The following SNRPF variants were observed in gnomAD, a reference collection of about 807,000 sequenced individuals.
SNRPF encodes small nuclear ribonucleoprotein F.
A neutral mutation model predicts 13.4 loss-of-function variants in SNRPF; 1 was observed. The observed-to-expected ratio is 0.07, with a 90% CI of 0.03 to 0.35. The LOEUF (loss-of-function observed/expected upper bound fraction) is 0.35, where lower values mean the gene tolerates loss of function less well. SNRPF is among the 10% of genes least tolerant of loss of function. SNRPF has a pLI of 0.99. For synonymous variants in SNRPF, 27 were observed against 32.1 expected (o/e 0.84, Z 0.54); for missense variants, 53 against 101.0 (o/e 0.52, Z 2.04).
chr12:95,865,058 T>A (rs2079514262), intron 2 of SNRPF: 1 of 260,144 alleles, frequency 3.8e-6, no homozygotes, highest in African/African-American at 2.2e-5. Context: ...TGTTTTAATA[T>A]CTAATAGAAA....
intron 2 of SNRPF, chr12:95,864,987 A>C (rs2121395378): frequency 6.0e-6 from 1 of 166,020 alleles, no homozygotes; most frequent in South Asian, 2.0e-4. Flanking sequence ...TGTTAGCCAT[A>C]GCTTTCGTAT....
chr12:95,865,452 T>G, intron 3 of SNRPF, 64 bp downstream of exon 3: 1 of 688,716 alleles, frequency 1.5e-6, no homozygotes, highest in Non-Finnish European at 2.5e-6. Context: ...CTGTTCTAAA[T>G]ATATTAGTGC....
chr12:95,859,149 G>C (rs1008208103), intron 1 of SNRPF, 73 bp downstream of exon 1: 63 of 1,339,586 alleles, frequency 4.7e-5, no homozygotes, highest in Non-Finnish European at 6.7e-5. Flanking sequence ...GGGGCCTGCT[G>C]GTTCCTTCGC....
intron 1 of SNRPF, among the ~76,000 whole-genome samples, chr12:95,859,926 A>T (rs2079486881): frequency 6.6e-6 from 1 of 152,228 alleles, no homozygotes; most frequent in South Asian, 2.1e-4. Flanking sequence ...ACTGTGGTGG[A>T]TAACAAATTG....
chr12:95,860,530 C>T (rs1292313319), intron 1 of SNRPF, among the ~76,000 whole-genome samples: 1 of 152,158 alleles, frequency 6.6e-6, no homozygotes, highest in Non-Finnish European at 1.5e-5. Context: ...TTCCCCTCCC[C>T]ATCTCCAACT....
chr12:95,859,266 C>A (rs763247806), intron 1 of SNRPF, among the ~76,000 whole-genome samples, 190 bp downstream of exon 1: 28 of 152,242 alleles, frequency 1.8e-4, no homozygotes, highest in Non-Finnish European at 1.6e-4. Flanking sequence ...CTTTCTTTTC[C>A]TAGGAGTGCC....
rs1240524665 is a variant in SNRPF, at chr12:95,859,057, A to G, written c.-17A>G. 1.2e-6 allele frequency: 2 copies of G among 1,613,024 alleles called. No individual in the cohort carries two copies. Among genetic ancestry groups the G allele is most frequent in the Non-Finnish European group, 8.5e-7 (1 of 1,179,786 alleles). On this transcript the variant is annotated 5_prime_UTR_variant, in exon 1 of 4. Coordinates refer to ENST00000266735, the MANE Select transcript of SNRPF (RefSeq NM_003095.5). Reference sequence around the variant, plus strand: ...TGGTCGGCAGAGAGTAGCCTGCAACATTCGGCCGTGGTTACGATGGTAAGG... The same window carrying G: ...TGGTCGGCAGAGAGTAGCCTGCAACGTTCGGCCGTGGTTACGATGGTAAGG...
At chr12:95,862,876 T>C (rs1254490655) in intron 2 of SNRPF, among the ~76,000 whole-genome samples, 2 of 152,214 alleles carry the variant, frequency 1.3e-5, no homozygotes, top group African/African-American at 4.8e-5. Flanking sequence ...TGGTATCTTA[T>C]TGTGGTTTTG....
chr12:95,865,019 T>A lies in SNRPF; in HGVS notation c.130-305T>A, dbSNP rs757593715. On this transcript the variant is annotated intron_variant, in intron 2 of 3. Coordinates refer to ENST00000266735, the MANE Select transcript of SNRPF (RefSeq NM_003095.5). ...GTATACCTATTTGGACACCTCAATA[T>A]GAGTTAGAGACTGCCTTCTTCCACA... The A allele has an allele frequency of 8.8e-5, 17 of 192,130 alleles. No homozygotes were observed. In the South Asian group the frequency reaches 2.0e-3, roughly 22 times the overall value. The allele number at this position is 192,130 out of a possible 1,614,324, so 11.9% of individuals were successfully genotyped here. A position where few individuals can be genotyped will look rare whatever the true frequency, so the allele number is the denominator to read the frequency against.
At chr12:95,863,908 T>A (rs1331762246) in intron 2 of SNRPF, among the ~76,000 whole-genome samples, 1 of 152,152 alleles carries the variant, frequency 6.6e-6, no homozygotes, top group African/African-American at 2.4e-5. Flanking sequence ...AAGGGACGAA[T>A]GACAGAAAGT....
intron 2 of SNRPF, among the ~76,000 whole-genome samples, chr12:95,863,027 AG>A (rs143533377): frequency 0.036 from 5,474 of 152,114 alleles, 215 homozygotes; most frequent in East Asian, 0.099. Context: ...TAATGGTAGT[AG>A]TTTCCAGGCA....
intron 2 of SNRPF, 48 bp from the exon 3 acceptor site, chr12:95,865,276 T>A (rs2079515486): frequency 1.1e-6 from 1 of 927,532 alleles, no homozygotes; most frequent in Non-Finnish European, 1.8e-6. Context: ...TGTATTGTAA[T>A]ATTTTCCTCC....
chr12:95,863,427 G>A (rs1388793131), intron 2 of SNRPF, among the ~76,000 whole-genome samples: 4 of 152,194 alleles, frequency 2.6e-5, no homozygotes, highest in African/African-American at 9.7e-5. Context: ...CTTAATATTT[G>A]TTTTAGAATT....
At chr12:95,863,970 G>A (rs547620287) in intron 2 of SNRPF, among the ~76,000 whole-genome samples, 1 of 152,290 alleles carries the variant, frequency 6.6e-6, no homozygotes, top group Admixed American at 6.6e-5. Flanking sequence ...TGAAGAACAT[G>A]ATAGAAAGTA....
intron 2 of SNRPF, among the ~76,000 whole-genome samples, chr12:95,864,164 A>G (rs11108310): frequency 0.75 from 113,880 of 152,134 alleles, 43,381 homozygotes; most frequent in African/African-American, 0.82. Context: ...GTCTATAAGA[A>G]AGGGAGTAAC....
At chr12:95,863,022 G>C (rs970319366) in intron 2 of SNRPF, among the ~76,000 whole-genome samples, 1 of 151,132 alleles carries the variant, frequency 6.6e-6, no homozygotes, top group African/African-American at 2.5e-5. Context: ...TTTTTTAATG[G>C]TAGTAGTTTC....
At position 95,861,040 on chromosome 12, in the gene SNRPF, G is replaced by T; in HGVS notation, c.4-128G>T. 9 of 702,326 alleles carry T rather than the reference G, an allele frequency of 1.3e-5. No homozygotes were observed. In the South Asian group the frequency reaches 1.7e-4, roughly 13 times the overall value. The allele number at this position is 702,326 out of a possible 1,614,324, so 43.5% of individuals were successfully genotyped here. On this transcript the variant is annotated intron_variant, in intron 1 of 3. Coordinates refer to ENST00000266735, the MANE Select transcript of SNRPF (RefSeq NM_003095.5). ...CTCAACAAATAAAAGTGAAAATTAT[G>T]TACTAAAATAATAAGGAGTCAAAAG...
At chr12:95,864,694 C>T (rs1483327721) in intron 2 of SNRPF, among the ~76,000 whole-genome samples, 1 of 152,192 alleles carries the variant, frequency 6.6e-6, no homozygotes, top group South Asian at 2.1e-4. Flanking sequence ...CACTTGAAGG[C>T]AGAAATTCAA....
intron 2 of SNRPF, among the ~76,000 whole-genome samples, chr12:95,863,706 T>G (rs947081481): frequency 6.6e-6 from 1 of 152,182 alleles, no homozygotes; most frequent in African/African-American, 2.4e-5. Context: ...GGGAAGACAG[T>G]ATGTGCAATA....
Sources: gnomAD v4.1 joint callset for allele counts (sites outside exome capture counted in the v4.1 genomes callset) on GRCh38, gnomAD v4.1.1 for gene constraint, MANE v1.5 for transcripts, NCBI Gene and HGNC (gene_info 2026-07-23, HGNC 2026-07-21) for gene names.